The following FN1 variants were observed in gnomAD, a reference collection of about 807,000 sequenced individuals.
The protein encoded by FN1 is fibronectin.
A neutral mutation model predicts 297.3 loss-of-function variants in FN1; 106 were observed. That is an observed-to-expected ratio of 0.36 (90% CI 0.30 to 0.42). The LOEUF (loss-of-function observed/expected upper bound fraction) is 0.42. FN1 is among the 10% of genes least tolerant of loss of function. The probability of loss-of-function intolerance (pLI) is 1.00; values close to 1 mark genes in which losing one functional copy is unlikely to be tolerated. For missense variants in FN1, 2,690 were observed against 3,124.9 expected (o/e 0.86, Z 3.32); for synonymous variants, 1,149 against 1,152.6 (o/e 1.00, Z 0.06).
chr2:215,419,278 C>A lies in FN1; in HGVS notation c.1783G>T (p.Gly595Trp). Reference protein sequence around the residue: ...YQCYCYGRGIGEWHCQPLQTY... With the variant: ...YQCYCYGRGIWEWHCQPLQTY... ...TGTAAAGGTTGGCAATGCCACTCCC[C>A]AATGCCACGGCCATAGCAGTAGCAC... The change falls in exon 12 of 46, where the codon GGG (glycine) becomes TGG (tryptophan). Residue 595 changes from glycine to tryptophan, a missense_variant. Gly to Trp is a radical substitution (Grantham distance 184). Transcript: ENST00000354785. 6.2e-7 allele frequency: 1 copy of A among 1,613,984 alleles called. No individual in the cohort carries two copies. The highest frequency in any genetic ancestry group is 2.2e-5 in the East Asian group (1 of 44,886).
intron 21 of FN1, 32 bp from the exon 22 acceptor site, chr2:215,397,880 G>A: frequency 6.2e-7 from 1 of 1,605,626 alleles, no homozygotes; most frequent in Non-Finnish European, 8.5e-7. Flanking sequence ...AAACACCAAG[G>A]ACAAATATTT....
chr2:215,430,927 G>A lies in FN1; in HGVS notation c.548-75C>T, dbSNP rs2066402536. On this transcript the variant is annotated intron_variant, in intron 4 of 45. Transcript: ENST00000354785. ...GTGCAAGCTCCCTGTAATTTAAAGT[G>A]TAGTGTGTAAGCAAAAATTCAGCCA... 1.9e-6 allele frequency: 3 copies of A among 1,538,596 alleles called. No homozygotes were observed. In the African/African-American group the frequency reaches 4.1e-5, roughly 21 times the overall value.
chr2:215,392,642 C>G, intron 25 of FN1: 1 of 428,368 alleles, frequency 2.3e-6, no homozygotes, highest in Non-Finnish European at 4.3e-6. Context: ...TCTAGGTCTT[C>G]AAATTGAATG....
intron 9 of FN1, among the ~76,000 whole-genome samples, chr2:215,422,444 C>T (rs761486705): frequency 3.2e-4 from 49 of 152,100 alleles, no homozygotes; most frequent in African/African-American, 1.1e-3. Flanking sequence ...GTAGTCCAAA[C>T]GTGTCATAGA....
At chr2:215,421,277 C>G in intron 10 of FN1, 1 of 242,706 alleles carries the variant, frequency 4.1e-6, no homozygotes, top group South Asian at 5.3e-5. Flanking sequence ...AATAAAATGT[C>G]AACAGTATTC....
At chr2:215,412,523 G>A (rs990561426) in intron 13 of FN1, among the ~76,000 whole-genome samples, 1 of 151,936 alleles carries the variant, frequency 6.6e-6, no homozygotes, top group African/African-American at 2.4e-5. Flanking sequence ...TGCAACTTCC[G>A]CCTCTCAAGC....
intron 27 of FN1, 81 bp from the exon 28 acceptor site, chr2:215,387,039 A>G: frequency 7.9e-7 from 1 of 1,267,220 alleles, no homozygotes. Flanking sequence ...GGTGTAGGGG[A>G]AATTAACGTA....
At chr2:215,434,198 G>C (rs765874907) in intron 2 of FN1, among the ~76,000 whole-genome samples, 2 of 141,684 alleles carry the variant, frequency 1.4e-5, no homozygotes, top group African/African-American at 4.9e-5. Flanking sequence ...ATTTTCCCCT[G>C]ATCAGTGCTT....
Position 215,379,391 on chromosome 2 carries a change from A to C in FN1, c.5435-74T>G, listed in dbSNP as rs1041770930. On this transcript the variant is annotated intron_variant, in intron 33 of 45. Coordinates refer to ENST00000354785, the MANE Select transcript of FN1 (RefSeq NM_212482.4). Reference sequence around the variant, plus strand: ...AAAGGAAAATAAAGTGAGTTCCAAGAAGTAGAATGGATTGTTCTTGTTGGG... The same window carrying C: ...AAAGGAAAATAAAGTGAGTTCCAAGCAGTAGAATGGATTGTTCTTGTTGGG... 4.4e-6 allele frequency: 6 copies of C among 1,369,632 alleles called. No homozygotes were observed. In the Admixed American group the frequency reaches 8.6e-5, roughly 20 times the overall value. The allele number at this position is 1,369,632 out of a possible 1,614,324, so 84.8% of individuals were successfully genotyped here. A position where few individuals can be genotyped will look rare whatever the true frequency, so the allele number is the denominator to read the frequency against.
chr2:215,393,444 ATT>A (rs869057414), intron 24 of FN1: 171 of 175,880 alleles, frequency 9.7e-4, no homozygotes, highest in East Asian at 6.7e-3. Context: ...ATATATATAT[ATT>A]TTTTACATTT....
rs557093365 is a variant in FN1, at chr2:215,392,918, T to C, written c.4069+13A>G. 4.5e-5 allele frequency: 73 copies of C among 1,612,222 alleles called. 1 individual carries two copies. In the South Asian group the frequency reaches 7.8e-4, roughly 17 times the overall value. ...CCATCTATGTCTCAAACGCAGAAGT[T>C]TTCAAAATTCACCCGTTTGTTGTGT... On this transcript the variant is annotated intron_variant, in intron 25 of 45. Transcript: ENST00000354785.
At chr2:215,392,592 C>G (rs185661025) in intron 25 of FN1, 2 of 346,844 alleles carry the variant, frequency 5.8e-6, no homozygotes, top group African/African-American at 2.1e-5. Context: ...TTGGTACTTA[C>G]GCAATTTGGT....
chr2:215,415,024 C>T (rs749193229), intron 12 of FN1, 66 bp from the exon 13 acceptor site: 6 of 1,199,642 alleles, frequency 5.0e-6, no homozygotes, highest in East Asian at 4.7e-5. Flanking sequence ...AAACTGTGTA[C>T]ATGGACAGTC....
intron 25 of FN1, chr2:215,392,196 G>A: frequency 4.3e-6 from 1 of 235,122 alleles, no homozygotes; most frequent in Non-Finnish European, 8.4e-6. Flanking sequence ...CATGCACACA[G>A]ACAAAAAGAC....
In FN1 at chr2:215,380,852, T is replaced by C. The variant is rs2058105119; in HGVS notation, c.5393A>G (p.Asp1798Gly). ...AATCAGGGGCTGGCTCTCCATATCA[T>C]CGTGCAAGGCAACCACACTGACTGT... is the stretch of plus-strand genomic sequence containing the variant. ...EYTVSVVALH[D>G]DMESQPLIGT... The change falls in exon 33 of 46, where the codon GAT becomes GGT. Residue 1798 changes from aspartate to glycine, a missense_variant. Coordinates refer to ENST00000354785, the MANE Select transcript of FN1 (RefSeq NM_212482.4). The C allele has an allele frequency of 6.2e-7, 1 of 1,613,924 alleles. No individual in the cohort carries two copies. The highest frequency in any genetic ancestry group is 8.5e-7 in the Non-Finnish European group (1 of 1,180,014).
At position 215,392,950 on chromosome 2, in the gene FN1, A is replaced by G; in HGVS notation, c.4050T>C (p.Thr1350=). The G allele has an allele frequency of 1.2e-6, 2 of 1,612,766 alleles. No homozygotes were observed. Among genetic ancestry groups the G allele is most frequent in the Non-Finnish European group, 1.7e-6 (2 of 1,180,002 alleles). Reference sequence around the variant, plus strand: ...ATTCACCCGTTTGTTGTGTCAGTGTAGTAGGGGCACTCTCGCCGCCATTAA... The same window carrying G: ...ATTCACCCGTTTGTTGTGTCAGTGTGGTAGGGGCACTCTCGCCGCCATTAA... ...TLINGGESAP[T]TLTQQTAVPP... Residue 1350 remains threonine (T), a synonymous_variant, in exon 25 of 46, where the codon ACT becomes ACC. Transcript: ENST00000354785.
At chr2:215,408,224 C>G (rs368670726) in intron 16 of FN1, 27 bp from the exon 17 acceptor site, 2 of 1,612,644 alleles carry the variant, frequency 1.2e-6, no homozygotes, top group Non-Finnish European at 8.5e-7. Flanking sequence ...GTGGGGCAAA[C>G]AGTCAGGAAG....
chr2:215,379,603 T>A, intron 33 of FN1: 3 of 285,122 alleles, frequency 1.1e-5, no homozygotes, highest in Non-Finnish European at 6.5e-6. Flanking sequence ...TGCTTTCCCT[T>A]AAAAAAAAAA....
In FN1 at chr2:215,399,275, A is replaced by C; in HGVS notation, c.3330T>G (p.Ala1110=). ...ETTIVITWTP[A]PRIGFKLGVR... ...AGTTTACCTTAAAACCAATTCTTGG[A>C]GCAGGCGTCCATGTGATCACAATGG... Residue 1110 remains alanine, a synonymous_variant, in exon 21 of 46, where the codon GCT becomes GCG. Coordinates refer to ENST00000354785, the MANE Select transcript of FN1 (RefSeq NM_212482.4). 6.2e-7 allele frequency: 1 copy of C among 1,613,448 alleles called. No individual in the cohort carries two copies. The highest frequency in any genetic ancestry group is 8.5e-7 in the Non-Finnish European group (1 of 1,179,392).
Sources: allele counts gnomAD v4.1 joint callset (sites outside exome capture counted in the v4.1 genomes callset), GRCh38; gene constraint gnomAD v4.1.1; transcripts MANE v1.5; gene names NCBI Gene and HGNC (gene_info 2026-07-23, HGNC 2026-07-21).